Variants in UST observed in about 807,000 individuals in gnomAD.
UST encodes the protein uronyl 2-sulfotransferase, also known as chondroitin sulfate 2-O-sulfotransferase.
UST carries 21 observed loss-of-function variants against 45.6 expected under a neutral mutation model. The ratio of observed to expected loss-of-function variants is 0.46; its 90% CI spans 0.33 to 0.66. UST has a LOEUF of 0.66. Ranked by LOEUF, UST falls within the 30% of genes least tolerant of loss-of-function variation. The pLI, the probability that UST is intolerant of heterozygous loss-of-function variation, is 0.02. For missense variants in UST, 463 were observed against 512.4 expected (o/e 0.90, Z 0.93); for synonymous variants, 215 against 200.6 (o/e 1.07, Z -0.61).
intron 1 of UST, among the ~76,000 whole-genome samples, chr6:148,880,275 C>T (rs1778799977): frequency 6.6e-6 from 1 of 152,126 alleles, no homozygotes. Context: ...CTTTTCATAT[C>T]CATTGTCTTG....
intron 3 of UST, among the ~76,000 whole-genome samples, chr6:148,943,817 G>A (rs931533973): frequency 7.9e-5 from 12 of 152,116 alleles, no homozygotes; most frequent in Admixed American, 1.3e-4. Context: ...TTGTAAGGCA[G>A]TTTTAAAAAC....
At chr6:148,848,039 A>C (rs747208164) in intron 1 of UST, among the ~76,000 whole-genome samples, 2 of 152,200 alleles carry the variant, frequency 1.3e-5, no homozygotes, top group Non-Finnish European at 2.9e-5. Context: ...AAATTTGCTT[A>C]TCTGGAATGG....
intron 5 of UST, among the ~76,000 whole-genome samples, chr6:149,013,368 T>C (rs2115015084): frequency 6.6e-6 from 1 of 152,026 alleles, no homozygotes; most frequent in East Asian, 1.9e-4. Flanking sequence ...CTACTAAAAA[T>C]ACAAAAAATT....
intron 1 of UST, among the ~76,000 whole-genome samples, chr6:148,820,495 A>C (rs1330777717): frequency 6.6e-6 from 1 of 152,114 alleles, no homozygotes; most frequent in Non-Finnish European, 1.5e-5. Flanking sequence ...CAACCATCAA[A>C]ATCAGGATAT....
At chr6:148,966,737 C>T (rs1780809290) in intron 5 of UST, among the ~76,000 whole-genome samples, 1 of 151,956 alleles carries the variant, frequency 6.6e-6, no homozygotes, top group South Asian at 2.1e-4. Flanking sequence ...TCCATTTGTT[C>T]GTTTTTGTTT....
intron 5 of UST, among the ~76,000 whole-genome samples, chr6:149,010,685 G>A (rs893096040): frequency 6.6e-6 from 1 of 151,896 alleles, no homozygotes; most frequent in African/African-American, 2.4e-5. Flanking sequence ...ACGAGGTCAG[G>A]AGTTCAAGAC....
At position 149,075,004 on chromosome 6, in the gene UST, A is replaced by G. The variant is rs546604061; in HGVS notation, c.*888A>G. Reference sequence around the variant, plus strand: ...GATATCAAAGTACTCTAGCAGGGAAAATAATTTGTTTGCTGTGTAAGGAAG... The same window carrying G: ...GATATCAAAGTACTCTAGCAGGGAAGATAATTTGTTTGCTGTGTAAGGAAG... On this transcript the variant is annotated 3_prime_UTR_variant, in exon 8 of 8. Transcript: ENST00000367463. 6.6e-6 allele frequency: 1 copy of G among 152,354 alleles called. No individual in the cohort carries two copies. The highest frequency in any genetic ancestry group is 2.4e-5 in the African/African-American group (1 of 41,570). 9.4% of individuals were successfully genotyped at this position (152,354 alleles called of 1,614,324 possible). A position where few individuals can be genotyped will look rare whatever the true frequency, so the allele number is the denominator to read the frequency against.
chr6:148,870,835 C>T (rs957664404), intron 1 of UST, among the ~76,000 whole-genome samples: 1 of 152,186 alleles, frequency 6.6e-6, no homozygotes, highest in East Asian at 1.9e-4. Flanking sequence ...ACATACATCA[C>T]TCTGTATTTA....
At chr6:148,800,943 A>T (rs963976587) in intron 1 of UST, among the ~76,000 whole-genome samples, 6 of 152,096 alleles carry the variant, frequency 3.9e-5, no homozygotes, top group African/African-American at 1.4e-4. Flanking sequence ...AAATTCTTCT[A>T]TTTTTAGGAA....
At chr6:148,963,064 T>G (rs1235566714) in intron 4 of UST, among the ~76,000 whole-genome samples, 1 of 152,100 alleles carries the variant, frequency 6.6e-6, no homozygotes, top group Non-Finnish European at 1.5e-5. Context: ...CACAGTCTGA[T>G]GGGAGAGGCA....
intron 3 of UST, 138 bp from the exon 4 acceptor site, chr6:148,953,734 T>A: frequency 2.6e-6 from 1 of 390,808 alleles, no homozygotes. Flanking sequence ...ATCGAGCTAC[T>A]GCACTCCAGC....
chr6:148,954,388 A>G (rs1780439378), intron 4 of UST, among the ~76,000 whole-genome samples: 1 of 152,256 alleles, frequency 6.6e-6, no homozygotes, highest in African/African-American at 2.4e-5. Context: ...TGTCTTTTTA[A>G]TACAATCGTG....
chr6:148,999,315 A>T (rs1022359543), intron 5 of UST, among the ~76,000 whole-genome samples: 25 of 152,240 alleles, frequency 1.6e-4, no homozygotes, highest in African/African-American at 5.8e-4. Context: ...TCAAATAAAA[A>T]TTTCATTATC....
At chr6:149,065,334 G>A (rs1007433649) in intron 7 of UST, among the ~76,000 whole-genome samples, 1 of 152,206 alleles carries the variant, frequency 6.6e-6, no homozygotes, top group Admixed American at 6.5e-5. Flanking sequence ...TGGATGGAAA[G>A]TCTGGCATTT....
intron 2 of UST, among the ~76,000 whole-genome samples, chr6:148,921,422 A>T (rs1779703093): frequency 6.6e-6 from 1 of 152,120 alleles, no homozygotes; most frequent in Non-Finnish European, 1.5e-5. Flanking sequence ...TTCCTAAGTG[A>T]TTTTGTGTGT....
At chr6:148,899,248 C>T (rs1014286214) in intron 2 of UST, among the ~76,000 whole-genome samples, 4 of 152,088 alleles carry the variant, frequency 2.6e-5, no homozygotes, top group South Asian at 2.1e-4. Flanking sequence ...TACAGGCACC[C>T]GCCACTACGC....
chr6:148,876,257 T>C (rs1309998435), intron 1 of UST, among the ~76,000 whole-genome samples: 1 of 152,022 alleles, frequency 6.6e-6, no homozygotes, highest in Non-Finnish European at 1.5e-5. Flanking sequence ...AAGAACTCAC[T>C]ACCACAAGGA....
chr6:148,897,159 C>T (rs1562293074), intron 2 of UST, among the ~76,000 whole-genome samples: 2 of 151,936 alleles, frequency 1.3e-5, no homozygotes, highest in Admixed American at 6.6e-5. Context: ...TTTTATTTTA[C>T]TTTTAAAATT....
At chr6:148,968,224 T>C (rs534090982) in intron 5 of UST, among the ~76,000 whole-genome samples, 26 of 152,380 alleles carry the variant, frequency 1.7e-4, no homozygotes, top group African/African-American at 5.8e-4. Context: ...AAGACATCGC[T>C]GTTACAGCAA....
Sources: allele counts gnomAD v4.1 joint callset (sites outside exome capture counted in the v4.1 genomes callset), GRCh38; gene constraint gnomAD v4.1.1; transcripts MANE v1.5; gene names NCBI Gene and HGNC (gene_info 2026-07-23, HGNC 2026-07-21).